TTC7B: variants seen among roughly 807,000 people sequenced by gnomAD.
TTC7B encodes the protein tetratricopeptide repeat protein 7B.
Under a neutral mutation model 106.8 loss-of-function variants are expected in TTC7B, and 28 were observed. The observed-to-expected ratio is 0.26, with a 90% CI of 0.19 to 0.36. The LOEUF is 0.36. TTC7B is among the 10% of genes least tolerant of loss of function. The probability of loss-of-function intolerance (pLI) is 1.00; values close to 1 mark genes in which losing one functional copy is unlikely to be tolerated. For missense variants in TTC7B, 862 were observed against 1,076.4 expected, an observed-to-expected ratio of 0.80 and a Z score of 2.79; for synonymous variants, 405 against 430.6, an observed-to-expected ratio of 0.94 and a Z score of 0.74.
At position 90,757,086 on chromosome 14, in the gene TTC7B, G is replaced by C. The variant is rs1339711876; in HGVS notation, c.446-12164C>G. ...GTCAGAGACAAACAGTTAGCAGAAG[G>C]CTTAACGTGGTGGATCTCCACCAGG... On this transcript the variant is annotated intron_variant, in intron 3 of 19. Transcript: ENST00000328459. The surrounding 1 kb of genome is among the most constrained non-coding windows in gnomAD (Gnocchi z 4.1). Among the ~76,000 whole-genome samples the C allele has an allele frequency of 1.3e-5, 2 of 152,090 alleles. No individual in the cohort carries two copies. Among genetic ancestry groups the C allele is most frequent in the African/African-American group, 2.4e-5 (1 of 41,398 alleles).
rs1384108315 is a variant in TTC7B, at chr14:90,531,752, A to ATGAAGTGAAATTTGAAGTTGAAATTTT, written c.*9589_*9615dup. On this transcript the variant is annotated 3_prime_UTR_variant, in exon 20 of 20. Transcript: ENST00000328459. ...AAGCTGGCTCAAGATTTTGAAAGCA[A>ATGAAGTGAAATTTGAAGTTGAAATTTT]TGAAGTGAAATTTGAAGTTGAAATT... 2 of 152,242 alleles carry ATGAAGTGAAATTTGAAGTTGAAATTTT rather than the reference A, an allele frequency of 1.3e-5. No homozygotes were observed. Among genetic ancestry groups the ATGAAGTGAAATTTGAAGTTGAAATTTT allele is most frequent in the African/African-American group, 4.8e-5 (2 of 41,456 alleles). The allele number at this position is 152,242 out of a possible 1,614,324, so 9.4% of individuals were successfully genotyped here.
intron 7 of TTC7B, among the ~76,000 whole-genome samples, chr14:90,686,592 A>G (rs967113813): frequency 6.6e-5 from 10 of 152,202 alleles, no homozygotes; most frequent in Admixed American, 6.5e-4. Flanking sequence ...TAAGGAATCC[A>G]AAAAAACTAT....
intron 17 of TTC7B, among the ~76,000 whole-genome samples, chr14:90,601,478 T>C (rs569096341): frequency 6.6e-6 from 1 of 152,356 alleles, no homozygotes; most frequent in Non-Finnish European, 1.5e-5. Context: ...GTGTTTACTC[T>C]CTTCTCCCGG....
intron 4 of TTC7B, among the ~76,000 whole-genome samples, chr14:90,731,559 C>T (rs1454298713): frequency 6.6e-6 from 1 of 152,176 alleles, no homozygotes; most frequent in Non-Finnish European, 1.5e-5. Flanking sequence ...TGCATGTGAA[C>T]CGGATCCCAG....
chr14:90,783,389 A>T (rs1891281625), intron 2 of TTC7B, among the ~76,000 whole-genome samples: 1 of 152,244 alleles, frequency 6.6e-6, no homozygotes. Context: ...AACATTCTTT[A>T]TAAGATGGAG....
chr14:90,801,863 C>T (rs920465012), intron 1 of TTC7B, among the ~76,000 whole-genome samples: 1 of 152,064 alleles, frequency 6.6e-6, no homozygotes, highest in African/African-American at 2.4e-5. Flanking sequence ...GAGTTCGAGA[C>T]CAGCCTGGCC....
Position 90,525,053 on chromosome 14 carries a change from T to G in TTC7B, c.*16315A>C, listed in dbSNP as rs1889114716. The G allele has an allele frequency of 1.3e-5, 2 of 152,180 alleles. No individual in the cohort carries two copies. The highest frequency in any genetic ancestry group is 2.9e-5 in the Non-Finnish European group (2 of 68,042). The allele number at this position is 152,180 out of a possible 1,614,324, so 9.4% of individuals were successfully genotyped here. On this transcript the variant is annotated 3_prime_UTR_variant, in exon 20 of 20. Transcript: ENST00000328459. Reference sequence around the variant, plus strand: ...AAGAGAGGGATCATATCCATCACCCTCAAAATGTCTTTATCATCTTTGAAA... The same window carrying G: ...AAGAGAGGGATCATATCCATCACCCGCAAAATGTCTTTATCATCTTTGAAA...
In TTC7B at chr14:90,610,803, G is replaced by T; in HGVS notation, c.1905C>A (p.Thr635=). ...TATTAAGCTGTCGTCTGTCAGCAAT[G>T]GTTCTATCTAAGAGGCTGCTCCCAC... ...SGRGSSLLDR[T]IADRRQLNTI... The change falls in exon 17 of 20, where the codon ACC becomes ACA. Residue 635 remains threonine, a synonymous_variant. Transcript: ENST00000328459. The T allele has an allele frequency of 6.2e-7, 1 of 1,613,966 alleles. No homozygotes were observed. Among genetic ancestry groups the T allele is most frequent in the African/African-American group, 1.3e-5 (1 of 74,990 alleles).
intron 1 of TTC7B, among the ~76,000 whole-genome samples, chr14:90,815,593 G>A (rs147926742): frequency 1.3e-5 from 2 of 151,708 alleles, no homozygotes; most frequent in East Asian, 1.9e-4. Context: ...CTACTTCTCC[G>A]AACGCCAGGA....
rs1884350770 is a variant in TTC7B at position 90,624,449 on chromosome 14, G to A, written c.1752-6404C>T. 6.6e-6 allele frequency among the ~76,000 whole-genome samples: 1 copy of A among 152,102 alleles called. No homozygotes were observed. The highest frequency in any genetic ancestry group is 1.5e-5 in the Non-Finnish European group (1 of 68,030). Reference sequence around the variant, plus strand: ...CTCGGTGTCTCATGCCATTCCCCAGGAAGACTTCGCTGACTCGCTGGAAAC... The same window carrying A: ...CTCGGTGTCTCATGCCATTCCCCAGAAAGACTTCGCTGACTCGCTGGAAAC... On this transcript the variant is annotated intron_variant, in intron 15 of 19. Coordinates refer to ENST00000328459, the MANE Select transcript of TTC7B (RefSeq NM_001010854.2). The surrounding 1 kb of genome is among the most constrained non-coding windows in gnomAD (Gnocchi z 4.0).
At chr14:90,548,583 C>A (rs1232866241) in intron 19 of TTC7B, among the ~76,000 whole-genome samples, 2 of 152,198 alleles carry the variant, frequency 1.3e-5, no homozygotes, top group South Asian at 4.1e-4. Context: ...TAGCTCTGTT[C>A]CCCCACTAGG....
At chr14:90,668,314 G>C (rs1886492231) in intron 9 of TTC7B, among the ~76,000 whole-genome samples, 1 of 152,016 alleles carries the variant, frequency 6.6e-6, no homozygotes, top group Non-Finnish European at 1.5e-5. Flanking sequence ...TTATCTTATT[G>C]AGCTTCCTAA....
intron 18 of TTC7B, among the ~76,000 whole-genome samples, chr14:90,580,122 T>A (rs993996617): frequency 1.3e-5 from 2 of 152,210 alleles, no homozygotes; most frequent in African/African-American, 4.8e-5. Flanking sequence ...CACCGGAATA[T>A]GGGCTGTAAG....
chr14:90,747,443 T>A (rs1890002887), intron 3 of TTC7B, among the ~76,000 whole-genome samples: 1 of 152,066 alleles, frequency 6.6e-6, no homozygotes, highest in Non-Finnish European at 1.5e-5. Flanking sequence ...GCTATGGGAG[T>A]CTTTCCAGTA....
chr14:90,596,138 A>T (rs1178926117), intron 17 of TTC7B, among the ~76,000 whole-genome samples: 2 of 152,234 alleles, frequency 1.3e-5, no homozygotes, highest in Non-Finnish European at 2.9e-5. Context: ...ATGTTTTAAC[A>T]GACATGTTTA....
intron 12 of TTC7B, among the ~76,000 whole-genome samples, chr14:90,653,159 C>T (rs946648447): frequency 6.6e-6 from 1 of 152,168 alleles, no homozygotes; most frequent in Non-Finnish European, 1.5e-5. Context: ...TTGGTACTCC[C>T]AGGCATATGG....
intron 13 of TTC7B, 136 bp downstream of exon 13, chr14:90,652,705 G>T: frequency 2.2e-6 from 2 of 891,290 alleles, no homozygotes; most frequent in Non-Finnish European, 3.5e-6. Context: ...TGTGCTGTGT[G>T]TTCGGTGCTC....
rs1479552424 is a variant in TTC7B at position 90,780,752 on chromosome 14, G to A, written c.431C>T (p.Ala144Val). ...PPYRLRVIAEAYATKGLCLEK... is the reference protein window; with the variant it reads ...PPYRLRVIAEVYATKGLCLEK... Reference sequence around the variant, plus strand: ...ACGGGCCTCACCTTTGGTAGCGTAGGCTTCTGCGATCACCCGCAGCCTGTA... The same window carrying A: ...ACGGGCCTCACCTTTGGTAGCGTAGACTTCTGCGATCACCCGCAGCCTGTA... Residue 144 changes from alanine to valine, a missense_variant, in exon 3 of 20, where the codon GCC (alanine) becomes GTC (valine). Transcript: ENST00000328459. The A allele has an allele frequency of 6.2e-7, 1 of 1,614,170 alleles. No individual in the cohort carries two copies. Among genetic ancestry groups the A allele is most frequent in the Non-Finnish European group, 8.5e-7 (1 of 1,180,032 alleles).
intron 13 of TTC7B, chr14:90,648,816 A>G (rs922361127): frequency 3.3e-5 from 5 of 152,260 alleles, no homozygotes; most frequent in Non-Finnish European, 7.3e-5. Context: ...AGGAAAAATA[A>G]TACACAATTA....
Sources: allele counts gnomAD v4.1 joint callset (sites outside exome capture counted in the v4.1 genomes callset), GRCh38; gene constraint gnomAD v4.1.1; non-coding constraint Gnocchi (gnomAD v3.1); transcripts MANE v1.5; gene names NCBI Gene and HGNC (gene_info 2026-07-23, HGNC 2026-07-21).